IL12RB2: variants seen among roughly 807,000 people sequenced by gnomAD.
IL12RB2 encodes the protein interleukin 12 receptor subunit beta 2, also known as interleukin-12 receptor subunit beta-2.
A neutral mutation model predicts 89.4 loss-of-function variants in IL12RB2; 82 were observed. The ratio of observed to expected loss-of-function variants is 0.92; its 90% CI spans 0.77 to 1.10. The LOEUF (loss-of-function observed/expected upper bound fraction) is 1.10, where lower values mean the gene tolerates loss of function less well. IL12RB2 is among the 50% of genes least tolerant of loss of function. The probability of loss-of-function intolerance (pLI) is 0.00; values close to 1 mark genes in which losing one functional copy is unlikely to be tolerated. For missense variants in IL12RB2, 963 were observed against 1,031.9 expected, an observed-to-expected ratio of 0.93 and a Z score of 0.92; for synonymous variants, 368 against 370.1, an observed-to-expected ratio of 0.99 and a Z score of 0.07.
intron 9 of IL12RB2, among the ~76,000 whole-genome samples, chr1:67,348,359 T>C (rs888412220): frequency 1.3e-5 from 2 of 152,074 alleles, no homozygotes; most frequent in African/African-American, 4.8e-5. Flanking sequence ...TACCAGTTCA[T>C]TGTCTCAGGC....
chr1:67,382,048 C>T (rs754558655), intron 14 of IL12RB2, among the ~76,000 whole-genome samples: 23 of 152,164 alleles, frequency 1.5e-4, no homozygotes, highest in Non-Finnish European at 3.2e-4. Context: ...TTACTCCAAA[C>T]TTGTTCCATC....
intron 10 of IL12RB2, among the ~76,000 whole-genome samples, chr1:67,363,211 A>ATT (rs199805464): frequency 1.4e-4 from 14 of 97,182 alleles, no homozygotes; most frequent in South Asian, 1.1e-3. Context: ...AATTATTCTT[A>ATT]TTTTTTTTTT....
In IL12RB2 at chr1:67,393,999, C is replaced by A. The variant is rs539862577; in HGVS notation, c.2047-1548C>A. Reference sequence around the variant, plus strand: ...AACAGTGGTTTCTTCACTGAACAGGCATCCAGGGAAAGGAACAGTCACCAG... The same window carrying A: ...AACAGTGGTTTCTTCACTGAACAGGAATCCAGGGAAAGGAACAGTCACCAG... On this transcript the variant is annotated intron_variant, in intron 16 of 16. Transcript: ENST00000674203. Among the ~76,000 whole-genome samples, 5 of 152,282 alleles carry A rather than the reference C, an allele frequency of 3.3e-5. No homozygotes were observed. The South Asian group carries it at 1.0e-3, about 32-fold the overall frequency.
Position 67,396,131 on chromosome 1 carries a change from A to G in IL12RB2, c.*42A>G, listed in dbSNP as rs1425163390. On this transcript the variant is annotated 3_prime_UTR_variant, in exon 17 of 17. Transcript: ENST00000674203. Reference sequence around the variant, plus strand: ...CCTTAAAGTCAGTGTGCCCTCAACCAGCACAGCCTGCCCCAATTCCCCCAG... The same window carrying G: ...CCTTAAAGTCAGTGTGCCCTCAACCGGCACAGCCTGCCCCAATTCCCCCAG... 1 of 1,165,704 alleles carries G rather than the reference A, an allele frequency of 8.6e-7. No homozygotes were observed. The highest frequency in any genetic ancestry group is 2.3e-5 in the East Asian group (1 of 42,792). The allele number at this position is 1,165,704 out of a possible 1,614,324, so 72.2% of individuals were successfully genotyped here. A position where few individuals can be genotyped will look rare whatever the true frequency, so the allele number is the denominator to read the frequency against.
At chr1:67,386,070 G>T (rs534637201) in intron 14 of IL12RB2, among the ~76,000 whole-genome samples, 1 of 151,836 alleles carries the variant, frequency 6.6e-6, no homozygotes, top group South Asian at 2.1e-4. Context: ...TTAGCCGGGC[G>T]TGGTGGCACA....
At chr1:67,336,528 G>A (rs986257759) in intron 8 of IL12RB2, among the ~76,000 whole-genome samples, 2 of 152,154 alleles carry the variant, frequency 1.3e-5, no homozygotes, top group African/African-American at 4.8e-5. Flanking sequence ...TTTTACATAA[G>A]TGTTGCTTAC....
intron 8 of IL12RB2, among the ~76,000 whole-genome samples, chr1:67,336,367 T>C (rs1658761076): frequency 6.6e-6 from 1 of 152,206 alleles, no homozygotes; most frequent in African/African-American, 2.4e-5. Flanking sequence ...GGACACCACC[T>C]GACAGTAGGT....
At chr1:67,335,448 T>G (rs1463541642) in intron 8 of IL12RB2, among the ~76,000 whole-genome samples, 1 of 152,210 alleles carries the variant, frequency 6.6e-6, no homozygotes, top group Non-Finnish European at 1.5e-5. Flanking sequence ...ATCTGATTTC[T>G]TCCTTTTGCT....
intron 1 of IL12RB2, among the ~76,000 whole-genome samples, chr1:67,310,184 CAAAAAAAAAAA>C (rs890229904): frequency 1.1e-4 from 4 of 36,760 alleles, no homozygotes; most frequent in African/African-American, 1.6e-4. Flanking sequence ...AACTTCATCT[CAAAAAAAAAAA>C]AAAAAAAAAA....
intron 4 of IL12RB2, among the ~76,000 whole-genome samples, chr1:67,322,856 A>T (rs1359275172): frequency 1.3e-5 from 2 of 152,104 alleles, no homozygotes; most frequent in Non-Finnish European, 2.9e-5. Context: ...CCAGCAGCAC[A>T]CCTACCTGCA....
chr1:67,312,765 G>C (rs1480351647), intron 1 of IL12RB2, among the ~76,000 whole-genome samples: 1 of 149,472 alleles, frequency 6.7e-6, no homozygotes, highest in African/African-American at 2.5e-5. Flanking sequence ...TCCTGAATTT[G>C]AGCAAGAAAA....
chr1:67,395,965 T>C lies in IL12RB2; in HGVS notation c.2465T>C (p.Leu822Pro). 6.2e-7 allele frequency: 1 copy of C among 1,608,296 alleles called. No homozygotes were observed. The highest frequency in any genetic ancestry group is 8.5e-7 in the Non-Finnish European group (1 of 1,174,614). ...EAPLADSLEE[L>P]EPQHISLSVF... ...CCTCTCGCTGACTCTCTGGAAGAAC[T>C]GGAGCCTCAGCACATCTCCCTTTCT... The change falls in exon 17 of 17, where the codon CTG becomes CCG. Residue 822 changes from leucine (L) to proline (P), a missense_variant. Transcript: ENST00000674203.
rs1224976623 is a variant in IL12RB2 at position 67,394,983 on chromosome 1, C to T, written c.2047-564C>T. ...AGTATAGCTTGGTTCACATTAGAAA[C>T]GGGGCTGGGCATGGTGGCTCATGCC... On this transcript the variant is annotated intron_variant, in intron 16 of 16. Transcript: ENST00000674203. 3.9e-5 allele frequency among the ~76,000 whole-genome samples: 6 copies of T among 152,100 alleles called. No individual in the cohort carries two copies. In the East Asian group the frequency reaches 5.8e-4, roughly 15 times the overall value.
In IL12RB2 at chr1:67,390,019, TTATC is replaced by T; in HGVS notation, c.1947-6_1947-3del. On this transcript the variant is annotated splice_region_variant and splice_polypyrimidine_tract_variant and intron_variant, in intron 15 of 16. Transcript: ENST00000674203. ...ACCTAAGGAAATGTCACTGTTTTCT[TTATC>T]TATAGGGTGTTTGTTCTCCTAGCAG... 1 of 1,051,626 alleles carries T rather than the reference TTATC, an allele frequency of 9.5e-7. No homozygotes were observed. The highest frequency in any genetic ancestry group is 1.2e-5 in the South Asian group (1 of 80,040). The allele number at this position is 1,051,626 out of a possible 1,614,324, so 65.1% of individuals were successfully genotyped here. A position where few individuals can be genotyped will look rare whatever the true frequency, so the allele number is the denominator to read the frequency against.
chr1:67,387,903 C>T lies in IL12RB2; in HGVS notation c.1946+1234C>T, dbSNP rs975900693. ...TCAAAATAACATGACTGAGGCTGGG[C>T]GCCGGGGCTCATGCCTGTAATCTCA... On this transcript the variant is annotated intron_variant, in intron 15 of 16. Coordinates refer to ENST00000674203, the MANE Select transcript of IL12RB2 (RefSeq NM_001374259.2). 1.2e-3 allele frequency among the ~76,000 whole-genome samples: 179 copies of T among 152,024 alleles called. 4 individuals carry two copies. Among genetic ancestry groups the T allele is most frequent in the Non-Finnish European group, 2.2e-4 (15 of 67,978 alleles).
chr1:67,330,575 GT>G (rs11463498), intron 7 of IL12RB2, 84 bp from the exon 8 acceptor site: 217 of 619,288 alleles, frequency 3.5e-4, no homozygotes, highest in Middle Eastern at 3.3e-3. Flanking sequence ...AATAGCCTGG[GT>G]TTTTTTTTTT....
At chr1:67,382,551 C>G (rs1232514513) in intron 14 of IL12RB2, among the ~76,000 whole-genome samples, 1 of 152,204 alleles carries the variant, frequency 6.6e-6, no homozygotes, top group African/African-American at 2.4e-5. Context: ...CCACACACTT[C>G]AGCATTCATT....
intron 9 of IL12RB2, among the ~76,000 whole-genome samples, chr1:67,343,297 G>A (rs1659857074): frequency 6.6e-6 from 1 of 152,152 alleles, no homozygotes; most frequent in African/African-American, 2.4e-5. Flanking sequence ...GCCCAGGCTG[G>A]TCACAGACTC....
chr1:67,311,460 G>C (rs191235780), intron 1 of IL12RB2, among the ~76,000 whole-genome samples: 97 of 152,180 alleles, frequency 6.4e-4, no homozygotes, highest in African/African-American at 2.3e-3. Context: ...GGTTTTTCTG[G>C]GTTATCTTGG....
Sources: gnomAD v4.1 joint callset for allele counts (sites outside exome capture counted in the v4.1 genomes callset) on GRCh38, gnomAD v4.1.1 for gene constraint, MANE v1.5 for transcripts, NCBI Gene and HGNC (gene_info 2026-07-23, HGNC 2026-07-21) for gene names.